UBE2E2: variants seen among roughly 807,000 people sequenced by gnomAD.
The protein encoded by UBE2E2 is ubiquitin conjugating enzyme E2 E2, also known as ubiquitin-conjugating enzyme E2 E2.
In UBE2E2, 6 loss-of-function variants were observed where a neutral mutation model predicts 24.7. The ratio of observed to expected loss-of-function variants is 0.24; its 90% confidence interval spans 0.13 to 0.48. The LOEUF is 0.48. UBE2E2 is among the 20% of genes least tolerant of loss of function. The pLI is 0.99. For missense variants in UBE2E2, 169 were observed against 245.0 expected, an observed-to-expected ratio of 0.69 and a Z score of 2.07; for synonymous variants, 104 against 83.6, an observed-to-expected ratio of 1.24 and a Z score of -1.33.
chr3:23,340,914 T>C (rs1048075274), intron 3 of UBE2E2, among the ~76,000 whole-genome samples: 1 of 152,190 alleles, frequency 6.6e-6, no homozygotes, highest in African/African-American at 2.4e-5. Flanking sequence ...TCCTACACTT[T>C]GTTTTCGTAC....
chr3:23,251,204 G>A (rs895402060), intron 3 of UBE2E2, among the ~76,000 whole-genome samples: 1 of 152,144 alleles, frequency 6.6e-6, no homozygotes, highest in Non-Finnish European at 1.5e-5. Flanking sequence ...GAACCCTTCT[G>A]AAATGATCAG....
At chr3:23,352,773 A>T (rs1304912104) in intron 3 of UBE2E2, among the ~76,000 whole-genome samples, 1 of 152,206 alleles carries the variant, frequency 6.6e-6, no homozygotes, top group Non-Finnish European at 1.5e-5. Context: ...GTCCAGGACC[A>T]GATGGATTCA....
At chr3:23,491,234 C>G (rs1699488126) in intron 3 of UBE2E2, among the ~76,000 whole-genome samples, 1 of 152,110 alleles carries the variant, frequency 6.6e-6, no homozygotes, top group South Asian at 2.1e-4. Flanking sequence ...TTCATTTGTC[C>G]TCCTCTCAGA....
intron 3 of UBE2E2, among the ~76,000 whole-genome samples, chr3:23,349,904 G>T (rs959503403): frequency 3.3e-5 from 5 of 152,230 alleles, no homozygotes; most frequent in African/African-American, 7.2e-5. Context: ...CAGGCAGCTG[G>T]AGATCTGAGA....
chr3:23,390,293 T>C (rs1018382084), intron 3 of UBE2E2, among the ~76,000 whole-genome samples: 1 of 152,132 alleles, frequency 6.6e-6, no homozygotes, highest in African/African-American at 2.4e-5. Context: ...TGTACCCATA[T>C]TAACCCCAAA....
chr3:23,518,580 C>A (rs1043451463), intron 4 of UBE2E2, among the ~76,000 whole-genome samples: 1 of 152,182 alleles, frequency 6.6e-6, no homozygotes, highest in Non-Finnish European at 1.5e-5. Context: ...CCTGAAGAGT[C>A]AGAAGGCTTG....
At chr3:23,446,460 C>G (rs1008656031) in intron 3 of UBE2E2, among the ~76,000 whole-genome samples, 3 of 152,082 alleles carry the variant, frequency 2.0e-5, no homozygotes, top group Admixed American at 1.3e-4. Context: ...GAAGATATCC[C>G]GGCTGACTGA....
chr3:23,561,229 A>G (rs2125504730), intron 5 of UBE2E2, among the ~76,000 whole-genome samples: 1 of 152,288 alleles, frequency 6.6e-6, no homozygotes, highest in African/African-American at 2.4e-5. Context: ...TCTTTAATCC[A>G]TCTTGAATTA....
At chr3:23,560,085 A>C (rs1695884887) in intron 5 of UBE2E2, among the ~76,000 whole-genome samples, 1 of 151,974 alleles carries the variant, frequency 6.6e-6, no homozygotes, top group African/African-American at 2.4e-5. Flanking sequence ...TTTTATTTTA[A>C]GTTCTAGGGT....
chr3:23,539,372 T>A (rs1266631051), intron 5 of UBE2E2, among the ~76,000 whole-genome samples: 1 of 152,244 alleles, frequency 6.6e-6, no homozygotes, highest in East Asian at 1.9e-4. Flanking sequence ...TTTGATTCTT[T>A]TAAAGATGGT....
intron 3 of UBE2E2, among the ~76,000 whole-genome samples, chr3:23,261,164 CTG>C (rs1457377611): frequency 1.7e-4 from 25 of 150,988 alleles, no homozygotes; most frequent in Non-Finnish European, 1.5e-5. Flanking sequence ...AGCAGTGTAA[CTG>C]TGGTAGAATT....
intron 3 of UBE2E2, chr3:23,270,860 T>G: frequency 2.2e-6 from 1 of 454,256 alleles, no homozygotes; most frequent in Non-Finnish European, 4.4e-6. Flanking sequence ...AAATCTAGTG[T>G]TTAATTACAA....
chr3:23,536,454 A>G (rs1474186044), intron 5 of UBE2E2, among the ~76,000 whole-genome samples: 1 of 152,088 alleles, frequency 6.6e-6, no homozygotes, highest in Non-Finnish European at 1.5e-5. Context: ...CTGCTCTACT[A>G]CTGTTACTCT....
Position 23,228,112 on chromosome 3 carries a change from C to T in UBE2E2, c.227+10800C>T, listed in dbSNP as rs572595334. Among the ~76,000 whole-genome samples the T allele has an allele frequency of 7.8e-4, 119 of 152,214 alleles. 1 individual carries two copies. Among genetic ancestry groups the T allele is most frequent in the Middle Eastern group, 3.4e-3 (1 of 294 alleles). On this transcript the variant is annotated intron_variant, in intron 3 of 5. Coordinates refer to ENST00000396703, the MANE Select transcript of UBE2E2 (RefSeq NM_152653.4). ...CAATAAAATCACCATGAGAAAAATT[C>T]TTTGCTTTGTTATTTCAAAATGTTA...
At chr3:23,291,964 T>C (rs1335521675) in intron 3 of UBE2E2, among the ~76,000 whole-genome samples, 1 of 148,440 alleles carries the variant, frequency 6.7e-6, no homozygotes, top group Non-Finnish European at 1.5e-5. Flanking sequence ...GTTCATGCCA[T>C]TCTCCTGCCT....
rs1575648151 is a variant in UBE2E2, at chr3:23,465,263, CA to C, written c.228-34342del. On this transcript the variant is annotated intron_variant, in intron 3 of 5. Coordinates refer to ENST00000396703, the MANE Select transcript of UBE2E2 (RefSeq NM_152653.4). The stretch of plus-strand genomic sequence containing the variant: ...TAAAACCACACAGCTAATAAGTGGC[CA>C]AATGAAGACTGAACTCAGAGCTGTG... Among the ~76,000 whole-genome samples the C allele has an allele frequency of 2.0e-5, 3 of 152,082 alleles. No homozygotes were observed. In the East Asian group the frequency reaches 5.8e-4, roughly 29 times the overall value.
chr3:23,244,142 A>AG (rs560954803), intron 3 of UBE2E2, among the ~76,000 whole-genome samples: 1 of 151,674 alleles, frequency 6.6e-6, no homozygotes, highest in East Asian at 1.9e-4. Context: ...TTGGAAAAAA[A>AG]AAAAGAATCA....
chr3:23,556,328 A>G lies in UBE2E2; in HGVS notation c.508+23627A>G, dbSNP rs192629567. Among the ~76,000 whole-genome samples, 487 of 150,724 alleles carry G rather than the reference A, an allele frequency of 3.2e-3. 2 individuals are homozygous for G. The highest frequency in any genetic ancestry group is 5.8e-3 in the Admixed American group (88 of 15,154). ...CCCAGCTAATTTTTGTATTTTTAGT[A>G]GAGACGGTTTCACCATGTTGGCCAG... On this transcript the variant is annotated intron_variant, in intron 5 of 5. Coordinates refer to ENST00000396703, the MANE Select transcript of UBE2E2 (RefSeq NM_152653.4).
intron 3 of UBE2E2, among the ~76,000 whole-genome samples, chr3:23,437,698 T>C (rs1221062608): frequency 6.6e-6 from 1 of 152,204 alleles, no homozygotes; most frequent in Non-Finnish European, 1.5e-5. Context: ...GTGTCTGGCA[T>C]GTTTCCGTCA....
Sources: allele counts gnomAD v4.1 joint callset (sites outside exome capture counted in the v4.1 genomes callset), GRCh38; gene constraint gnomAD v4.1.1; transcripts MANE v1.5; gene names NCBI Gene and HGNC (gene_info 2026-07-23, HGNC 2026-07-21).